The following ATP11B variants were observed in gnomAD, a reference collection of about 807,000 sequenced individuals.
The protein encoded by ATP11B is ATPase phospholipid transporting 11B (putative), also known as phospholipid-transporting ATPase IF.
A neutral mutation model predicts 157.8 loss-of-function variants in ATP11B; 81 were observed. That is an observed-to-expected ratio of 0.51 (90% CI 0.43 to 0.62). The LOEUF is 0.62. Among genes scored for constraint, ATP11B ranks in the 20% least tolerant of loss-of-function variants. The pLI is 0.00. For missense variants in ATP11B, 1,165 were observed against 1,402.2 expected (o/e 0.83, Z 2.70); for synonymous variants, 451 against 469.4 (o/e 0.96, Z 0.51).
intron 25 of ATP11B, among the ~76,000 whole-genome samples, chr3:182,893,298 A>G (rs1387707767): frequency 1.3e-5 from 2 of 152,240 alleles, no homozygotes; most frequent in South Asian, 2.1e-4. Flanking sequence ...GCACCCAAGC[A>G]GTGTACATTG....
chr3:182,812,696 T>C (rs1261148930), intron 1 of ATP11B, among the ~76,000 whole-genome samples: 1 of 152,222 alleles, frequency 6.6e-6, no homozygotes, highest in African/African-American at 2.4e-5. Flanking sequence ...ATGGATGAAG[T>C]TGATTTCTAA....
At chr3:182,793,813 A>T in intron 1 of ATP11B, 27 bp downstream of exon 1, 1 of 1,325,654 alleles carries the variant, frequency 7.5e-7, no homozygotes, top group Non-Finnish European at 9.7e-7. Context: ...CTCCACCTCC[A>T]TTCGTCCGCC....
chr3:182,836,852 T>C (rs933248742), intron 6 of ATP11B, among the ~76,000 whole-genome samples: 1 of 152,190 alleles, frequency 6.6e-6, no homozygotes, highest in African/African-American at 2.4e-5. Context: ...GCACACAGAC[T>C]TAATTTCCTT....
chr3:182,880,762 AAAAATT>A lies in ATP11B; in HGVS notation c.2407-113_2407-108del, dbSNP rs1560109343. 5.9e-6 allele frequency: 3 copies of A among 505,220 alleles called. No individual in the cohort carries two copies. In the African/African-American group the frequency reaches 6.0e-5, roughly 10 times the overall value. 31.3% of individuals were successfully genotyped at this position (505,220 alleles called of 1,614,324 possible). A position where few individuals can be genotyped will look rare whatever the true frequency, so the allele number is the denominator to read the frequency against. ...TGAACCTGCATATTATTGTCTAATAAAAAATTAAATATTTCTTTCATTAGTGTTCTT... is the reference window on the plus strand; with the variant it reads ...TGAACCTGCATATTATTGTCTAATAAAAATATTTCTTTCATTAGTGTTCTT... On this transcript the variant is annotated intron_variant, in intron 20 of 29. Coordinates refer to ENST00000323116, the MANE Select transcript of ATP11B (RefSeq NM_014616.3).
In ATP11B at chr3:182,880,907, A is replaced by C. The variant is rs776692698; in HGVS notation, c.2435A>C (p.Glu812Ala). Residue 812 changes from glutamate (E) to alanine (A), a missense_variant, in exon 21 of 30, where the codon GAG (glutamate) becomes GCG (alanine). By Grantham distance (107) the Glu-to-Ala change is moderately radical. Coordinates refer to ENST00000323116, the MANE Select transcript of ATP11B (RefSeq NM_014616.3). ...KVIRLIKISP[E>A]KPITLAVGDG... is the part of the protein sequence containing the mutation. ...ATAAGACTAATAAAAATATCACCTG[A>C]GAAACCTATAACATTGGCTGTTGGT... 12 of 1,600,266 alleles carry C rather than the reference A, an allele frequency of 7.5e-6. No homozygotes were observed. Among genetic ancestry groups the C allele is most frequent in the Middle Eastern group, 1.7e-4 (1 of 6,038 alleles).
chr3:182,803,641 G>A (rs1487398719), intron 1 of ATP11B, among the ~76,000 whole-genome samples: 1 of 152,026 alleles, frequency 6.6e-6, no homozygotes, highest in Non-Finnish European at 1.5e-5. Context: ...TTAACATTTA[G>A]ATCTTTAAAG....
chr3:182,906,648 G>A (rs921278058), intron 28 of ATP11B, among the ~76,000 whole-genome samples: 5 of 151,940 alleles, frequency 3.3e-5, no homozygotes, highest in African/African-American at 4.8e-5. Flanking sequence ...ACTGGGTCTC[G>A]CCGTGTTGCA....
chr3:182,800,527 C>T (rs1218956143), intron 1 of ATP11B, among the ~76,000 whole-genome samples: 3 of 151,998 alleles, frequency 2.0e-5, no homozygotes, highest in Non-Finnish European at 4.4e-5. Context: ...TGTGCCCAGA[C>T]GATGTTTGTA....
At chr3:182,870,001 A>G (rs1721532502) in intron 17 of ATP11B, among the ~76,000 whole-genome samples, 1 of 152,128 alleles carries the variant, frequency 6.6e-6, no homozygotes, top group African/African-American at 2.4e-5. Flanking sequence ...AGAGGCAGTC[A>G]AAAAAGGCCT....
chr3:182,795,384 C>G (rs1357161887), intron 1 of ATP11B, among the ~76,000 whole-genome samples: 1 of 152,150 alleles, frequency 6.6e-6, no homozygotes, highest in Non-Finnish European at 1.5e-5. Context: ...TTGAGACATC[C>G]TTTCTCACTG....
intron 9 of ATP11B, among the ~76,000 whole-genome samples, 154 bp downstream of exon 9, chr3:182,845,676 G>A (rs774218790): frequency 2.0e-5 from 3 of 152,082 alleles, no homozygotes; most frequent in Non-Finnish European, 4.4e-5. Context: ...TACAGTAGTC[G>A]TGTATTGAAC....
intron 1 of ATP11B, among the ~76,000 whole-genome samples, chr3:182,808,266 C>A (rs1023879327): frequency 2.0e-5 from 3 of 152,162 alleles, no homozygotes; most frequent in Admixed American, 6.5e-5. Flanking sequence ...TATGGAGAGA[C>A]TGTAAAGTAG....
intron 1 of ATP11B, among the ~76,000 whole-genome samples, chr3:182,800,408 G>A (rs1031410751): frequency 1.5e-5 from 2 of 135,778 alleles, no homozygotes; most frequent in African/African-American, 5.4e-5. Context: ...AAAAAAAATT[G>A]TAGAGGTGGG....
rs375351056 is a variant in ATP11B at position 182,886,019 on chromosome 3, A to G, written c.2715+9A>G. On this transcript the variant is annotated intron_variant, in intron 23 of 29. Transcript: ENST00000323116. ...GTTTGTTTTCTCAGCAAGTAAGTAA[A>G]TAGAAACTTGTGTTTTGTGTTTTGT... 2 of 1,476,608 alleles carry G rather than the reference A, an allele frequency of 1.4e-6. No homozygotes were observed. The highest frequency in any genetic ancestry group is 1.8e-6 in the Non-Finnish European group (2 of 1,119,406). The allele number at this position is 1,476,608 out of a possible 1,614,324, so 91.5% of individuals were successfully genotyped here.
chr3:182,868,704 T>C (rs1033595586), intron 15 of ATP11B, among the ~76,000 whole-genome samples: 1 of 152,188 alleles, frequency 6.6e-6, no homozygotes, highest in Non-Finnish European at 1.5e-5. Flanking sequence ...AACATGGAGC[T>C]GGGCAGATCT....
intron 1 of ATP11B, among the ~76,000 whole-genome samples, chr3:182,798,282 TGTAG>T (rs2108479701): frequency 1.3e-5 from 2 of 152,342 alleles, no homozygotes; most frequent in South Asian, 4.1e-4. Flanking sequence ...GTTGGCCCAT[TGTAG>T]GTATTCACCT....
At position 182,819,117 on chromosome 3, in the gene ATP11B, C is replaced by G. The variant is rs1320116012; in HGVS notation, c.28-1143C>G. ...TTTGAGACGGAGTCTCTCCCCGTGTCCCAGGCTGGAGTGCAGTGGCGCGAT... is the reference window on the plus strand; with the variant it reads ...TTTGAGACGGAGTCTCTCCCCGTGTGCCAGGCTGGAGTGCAGTGGCGCGAT... On this transcript the variant is annotated intron_variant, in intron 1 of 29. Transcript: ENST00000323116. Among the ~76,000 whole-genome samples, 15 of 138,944 alleles carry G rather than the reference C, an allele frequency of 1.1e-4. No individual in the cohort carries two copies. In the Middle Eastern group the frequency reaches 0.012, roughly 115 times the overall value. 91.2% of individuals were successfully genotyped at this position (138,944 alleles called of 152,430 possible).
At chr3:182,809,961 C>G (rs968885104) in intron 1 of ATP11B, among the ~76,000 whole-genome samples, 3 of 152,138 alleles carry the variant, frequency 2.0e-5, no homozygotes, top group Admixed American at 1.3e-4. Flanking sequence ...AATTGCAGAT[C>G]AGCAGTAGAA....
At chr3:182,896,904 A>G in intron 26 of ATP11B, 139 bp downstream of exon 26, 1 of 652,318 alleles carries the variant, frequency 1.5e-6, no homozygotes, top group Non-Finnish European at 2.6e-6. Context: ...TACTATTTTA[A>G]TAGTTAAATT....
Sources: gnomAD v4.1 joint callset for allele counts (sites outside exome capture counted in the v4.1 genomes callset) on GRCh38, gnomAD v4.1.1 for gene constraint, MANE v1.5 for transcripts, NCBI Gene and HGNC (gene_info 2026-07-23, HGNC 2026-07-21) for gene names.